ZNF354A: variants seen among roughly 807,000 people sequenced by gnomAD.
ZNF354A encodes the protein epididymis luminal protein 104.
A neutral mutation model predicts 53.3 loss-of-function variants in ZNF354A; 25 were observed. The observed-to-expected ratio is 0.47, with a 90% confidence interval of 0.34 to 0.66. ZNF354A has a LOEUF of 0.66. Ranked by LOEUF, ZNF354A falls within the 30% of genes least tolerant of loss-of-function variation. ZNF354A has a pLI of 0.01. For synonymous variants in ZNF354A, 228 were observed against 249.0 expected (o/e 0.92, Z 0.79); for missense variants, 586 against 716.8 (o/e 0.82, Z 2.08).
intron 4 of ZNF354A, among the ~76,000 whole-genome samples, chr5:178,723,153 G>C (rs988518398): frequency 6.6e-6 from 1 of 152,214 alleles, no homozygotes; most frequent in Non-Finnish European, 1.5e-5. Flanking sequence ...AGATAAACAA[G>C]TGTGGTTCCC....
At chr5:178,716,338 A>G (rs1168200574) in intron 4 of ZNF354A, among the ~76,000 whole-genome samples, 1 of 152,154 alleles carries the variant, frequency 6.6e-6, no homozygotes, top group African/African-American at 2.4e-5. Flanking sequence ...GTACTATCTG[A>G]TCTGACCTTT....
chr5:178,719,868 A>G (rs1765779120), intron 4 of ZNF354A, among the ~76,000 whole-genome samples: 1 of 151,026 alleles, frequency 6.6e-6, no homozygotes, highest in Non-Finnish European at 1.5e-5. Flanking sequence ...AATGGCGTGA[A>G]CCCGGGAGGC....
intron 4 of ZNF354A, among the ~76,000 whole-genome samples, chr5:178,723,870 G>A (rs1335942051): frequency 6.6e-6 from 1 of 150,884 alleles, no homozygotes; most frequent in African/African-American, 2.4e-5. Context: ...ATTACTTCTC[G>A]GGCTCTGTCA....
intron 4 of ZNF354A, among the ~76,000 whole-genome samples, chr5:178,718,950 C>T (rs80188324): frequency 3.2e-4 from 49 of 152,292 alleles, no homozygotes; most frequent in African/African-American, 1.1e-3. Flanking sequence ...CCAGGCTGCA[C>T]ATTCTCTTAA....
At chr5:178,714,983 A>G (rs1329143092) in intron 4 of ZNF354A, among the ~76,000 whole-genome samples, 3 of 152,246 alleles carry the variant, frequency 2.0e-5, no homozygotes, top group Non-Finnish European at 4.4e-5. Context: ...TCATGCATCA[A>G]GCAAGAGAGG....
intron 2 of ZNF354A, among the ~76,000 whole-genome samples, chr5:178,728,082 T>C (rs550883205): frequency 2.0e-5 from 3 of 152,330 alleles, no homozygotes; most frequent in Admixed American, 2.0e-4. Flanking sequence ...CCTCAGGCGA[T>C]CTGCCGGCCT....
intron 2 of ZNF354A, among the ~76,000 whole-genome samples, 183 bp from the exon 3 acceptor site, chr5:178,727,308 G>A (rs912454215): frequency 6.6e-6 from 1 of 152,198 alleles, no homozygotes; most frequent in African/African-American, 2.4e-5. Context: ...CACACAGTGA[G>A]ATTCAGGCCT....
intron 4 of ZNF354A, among the ~76,000 whole-genome samples, chr5:178,720,324 T>A (rs902652267): frequency 3.3e-5 from 5 of 152,224 alleles, no homozygotes; most frequent in African/African-American, 1.2e-4. Flanking sequence ...CCTCAGAACG[T>A]GACCTTACTT....
In ZNF354A at chr5:178,713,659, TATC is replaced by T. The variant is rs1480651690; in HGVS notation, c.257-41_257-39del. The T allele has an allele frequency of 3.3e-6, 5 of 1,510,108 alleles. No individual in the cohort carries two copies. In the African/African-American group the frequency reaches 4.2e-5, roughly 13 times the overall value. 93.5% of individuals were successfully genotyped at this position (1,510,108 alleles called of 1,614,324 possible). On this transcript the variant is annotated intron_variant, in intron 4 of 4. Transcript: ENST00000335815. ...AAAAAATCAAAAATGTTTCATGTGA[TATC>T]ATAGCATCTGACTACTGAGACTAAA... is the stretch of plus-strand genomic sequence containing the variant.
In ZNF354A at chr5:178,717,249, C is replaced by T. The variant is rs114053917; in HGVS notation, c.257-3628G>A. 1.9e-3 allele frequency among the ~76,000 whole-genome samples: 285 copies of T among 152,040 alleles called. 1 individual carries two copies. The highest frequency in any genetic ancestry group is 6.2e-3 in the African/African-American group (258 of 41,478). On this transcript the variant is annotated intron_variant, in intron 4 of 4. Coordinates refer to ENST00000335815, the MANE Select transcript of ZNF354A (RefSeq NM_005649.3). ...AGTTGGCTGCTGCGTGGACCGACTA[C>T]GCTGGGGCACCAGTGGAAGCAGGGA...
chr5:178,724,633 A>C (rs1307423777), intron 4 of ZNF354A, among the ~76,000 whole-genome samples: 1 of 152,206 alleles, frequency 6.6e-6, no homozygotes, highest in African/African-American at 2.4e-5. Context: ...AAAATACTAC[A>C]TGTAAGTAAT....
At chr5:178,719,555 C>T (rs1765771072) in intron 4 of ZNF354A, among the ~76,000 whole-genome samples, 1 of 152,188 alleles carries the variant, frequency 6.6e-6, no homozygotes, top group Non-Finnish European at 1.5e-5. Flanking sequence ...AGGCAGCACC[C>T]AAGTCTTTGA....
chr5:178,719,735 CAGG>C (rs1765774803), intron 4 of ZNF354A, among the ~76,000 whole-genome samples: 1 of 152,078 alleles, frequency 6.6e-6, no homozygotes, highest in Non-Finnish European at 1.5e-5. Flanking sequence ...ATCACGAGGT[CAGG>C]AGATCGAGAC....
intron 2 of ZNF354A, among the ~76,000 whole-genome samples, chr5:178,728,185 T>C (rs948473775): frequency 1.3e-5 from 2 of 152,308 alleles, no homozygotes; most frequent in Non-Finnish European, 2.9e-5. Context: ...TTGTTTTTTC[T>C]TGTGTAATTC....
At chr5:178,714,067 C>T (rs897859505) in intron 4 of ZNF354A, among the ~76,000 whole-genome samples, 4 of 151,224 alleles carry the variant, frequency 2.6e-5, no homozygotes, top group East Asian at 1.9e-4. Context: ...AGTGCAGTGG[C>T]GCGATCTCGG....
intron 2 of ZNF354A, 30 bp from the exon 3 acceptor site, chr5:178,727,155 A>G: frequency 6.2e-7 from 1 of 1,600,222 alleles, no homozygotes; most frequent in Non-Finnish European, 8.5e-7. Flanking sequence ...CAGCTCACCC[A>G]GGACCACCCT....
At chr5:178,725,853 C>CA (rs1765894440) in intron 3 of ZNF354A, among the ~76,000 whole-genome samples, 1 of 152,014 alleles carries the variant, frequency 6.6e-6, no homozygotes, top group Non-Finnish European at 1.5e-5. Flanking sequence ...TATCTGACTC[C>CA]GCTTTTTTTT....
chr5:178,723,293 C>G (rs1397461508), intron 4 of ZNF354A, among the ~76,000 whole-genome samples: 1 of 152,204 alleles, frequency 6.6e-6, no homozygotes, highest in East Asian at 1.9e-4. Context: ...ACTGAGCCCT[C>G]TGGACCTGAC....
chr5:178,727,787 A>G (rs1561622313), intron 2 of ZNF354A, among the ~76,000 whole-genome samples: 1 of 152,220 alleles, frequency 6.6e-6, no homozygotes, highest in Non-Finnish European at 1.5e-5. Flanking sequence ...AAAGTCACAG[A>G]CAAGATAAGA....
Sources: allele counts gnomAD v4.1 joint callset (sites outside exome capture counted in the v4.1 genomes callset), GRCh38; gene constraint gnomAD v4.1.1; transcripts MANE v1.5; gene names NCBI Gene and HGNC (gene_info 2026-07-23, HGNC 2026-07-21).